UBE3B: variants seen among roughly 807,000 people sequenced by gnomAD.
UBE3B encodes ubiquitin protein ligase E3B.
In UBE3B, 80 loss-of-function variants were observed where a neutral mutation model predicts 132.3. That is an observed-to-expected ratio of 0.60 (90% CI 0.50 to 0.73). UBE3B has a LOEUF of 0.73. Among genes scored for constraint, UBE3B ranks in the 30% least tolerant of loss-of-function variants. UBE3B has a pLI of 0.00. For missense variants in UBE3B, 1,196 were observed against 1,362.5 expected (o/e 0.88, Z 1.92); for synonymous variants, 487 against 520.4 (o/e 0.94, Z 0.87).
At chr12:109,498,888 C>A (rs908326439) in intron 11 of UBE3B, among the ~76,000 whole-genome samples, 4 of 151,562 alleles carry the variant, frequency 2.6e-5, no homozygotes, top group Non-Finnish European at 4.4e-5. Flanking sequence ...TGCAGTGGCA[C>A]AGTCATGGCT....
intron 9 of UBE3B, among the ~76,000 whole-genome samples, chr12:109,495,879 A>G (rs757183837): frequency 6.6e-6 from 1 of 152,160 alleles, no homozygotes; most frequent in Non-Finnish European, 1.5e-5. Context: ...TAGACCTACA[A>G]CCTTCTGGCC....
chr12:109,497,302 T>C (rs1282583560), intron 9 of UBE3B, among the ~76,000 whole-genome samples: 6 of 151,948 alleles, frequency 3.9e-5, no homozygotes, highest in African/African-American at 1.4e-4. Context: ...TATATACTTA[T>C]ATATAGTATA....
chr12:109,507,853 A>G (rs1879882385), intron 15 of UBE3B, 118 bp downstream of exon 15: 1 of 1,231,616 alleles, frequency 8.1e-7, no homozygotes, highest in Admixed American at 2.3e-5. Context: ...CCTGTGTGGC[A>G]GGGCATTGTA....
intron 23 of UBE3B, 98 bp from the exon 24 acceptor site, chr12:109,526,260 C>T (rs1882321101): frequency 8.1e-7 from 1 of 1,230,496 alleles, no homozygotes; most frequent in African/African-American, 1.5e-5. Context: ...TTAATTCCAT[C>T]ATTATCATGG....
At position 109,521,668 on chromosome 12, in the gene UBE3B, G is replaced by A. The variant is rs567778412; in HGVS notation, c.2364+117G>A. ...TGTAAACTGTCACTAGGATACAAGC[G>A]AGGACAGGGGCAGGAACCAAGGTTT... is the stretch of plus-strand genomic sequence containing the variant. On this transcript the variant is annotated intron_variant, in intron 21 of 27. Coordinates refer to ENST00000342494, the MANE Select transcript of UBE3B (RefSeq NM_130466.4). The surrounding 1 kb of genome is among the most constrained non-coding windows in gnomAD (Gnocchi z 4.2). 3.3e-4 allele frequency: 313 copies of A among 939,410 alleles called. No homozygotes were observed. The African/African-American group carries it at 4.6e-3, about 14-fold the overall frequency. 58.2% of individuals were successfully genotyped at this position (939,410 alleles called of 1,614,324 possible). A position where few individuals can be genotyped will look rare whatever the true frequency, so the allele number is the denominator to read the frequency against.
At chr12:109,511,459 C>T in intron 18 of UBE3B, 156 bp downstream of exon 18, 1 of 691,522 alleles carries the variant, frequency 1.4e-6, no homozygotes, top group Non-Finnish European at 2.4e-6. Flanking sequence ...TGAGGTTACA[C>T]CCAGTGCTGG....
chr12:109,534,334 GA>G lies in UBE3B; in HGVS notation c.3016-255del, dbSNP rs1834910355. On this transcript the variant is annotated intron_variant, in intron 27 of 27. Transcript: ENST00000342494. This position sits in a 1 kb window ranked among gnomAD's most constrained non-coding sequence, Gnocchi z 5.2. Reference sequence around the variant, plus strand: ...TTAACCAGTAATTCGCTGTGAACCGGAAGGCCCCATTTCCAAAAGCTTACTT... The same window carrying G: ...TTAACCAGTAATTCGCTGTGAACCGGAGGCCCCATTTCCAAAAGCTTACTT... The G allele has an allele frequency of 7.1e-7, 1 of 1,410,310 alleles. No homozygotes were observed. The highest frequency in any genetic ancestry group is 9.2e-7 in the Non-Finnish European group (1 of 1,087,832). The allele number at this position is 1,410,310 out of a possible 1,614,324, so 87.4% of individuals were successfully genotyped here. A position where few individuals can be genotyped will look rare whatever the true frequency, so the allele number is the denominator to read the frequency against.
intron 14 of UBE3B, among the ~76,000 whole-genome samples, chr12:109,504,464 G>C (rs998424452): frequency 8.5e-5 from 13 of 152,296 alleles, no homozygotes; most frequent in Middle Eastern, 3.4e-3. Flanking sequence ...GAGGACTGAG[G>C]GTTTTAAAGA....
In UBE3B at chr12:109,516,774, C is replaced by T; in HGVS notation, c.1966C>T (p.Leu656=). Residue 656 remains leucine, a synonymous_variant, in exon 19 of 28, where the codon CTG becomes TTG. Coordinates refer to ENST00000342494, the MANE Select transcript of UBE3B (RefSeq NM_130466.4). ...HVIPHKNRVL[L]FRTMVTKEKE... ...CCTTTGTTCATTTTAGAGAGTTCTA[C>T]TGTTTCGAACCATGGTTACCAAGGA... is the stretch of plus-strand genomic sequence containing the variant. The T allele has an allele frequency of 6.2e-7, 1 of 1,614,020 alleles. No individual in the cohort carries two copies. Among genetic ancestry groups the T allele is most frequent in the Non-Finnish European group, 8.5e-7 (1 of 1,179,952 alleles).
intron 13 of UBE3B, among the ~76,000 whole-genome samples, chr12:109,502,414 G>A (rs1321343476): frequency 1.3e-5 from 2 of 152,162 alleles, no homozygotes; most frequent in Non-Finnish European, 2.9e-5. Flanking sequence ...GTTATGGAAA[G>A]GCCACTAATG....
chr12:109,533,167 C>G (rs1246347492), intron 26 of UBE3B, among the ~76,000 whole-genome samples: 1 of 152,180 alleles, frequency 6.6e-6, no homozygotes, highest in Non-Finnish European at 1.5e-5. Flanking sequence ...TCACCAGTGC[C>G]CTGGCTGGGC....
the UBE3B span, among the ~76,000 whole-genome samples, chr12:109,546,563 G>A: frequency 6.6e-6 from 1 of 152,252 alleles, no homozygotes; most frequent in Admixed American, 6.5e-5. Context: ...CTCAGTGCAT[G>A]CAGGGGTCTT....
chr12:109,479,140 C>G (rs78160642), intron 1 of UBE3B, among the ~76,000 whole-genome samples: 6 of 152,166 alleles, frequency 3.9e-5, no homozygotes, highest in Non-Finnish European at 4.4e-5. Flanking sequence ...AAGGACTTGA[C>G]ACATAATGGG....
intron 4 of UBE3B, 58 bp from the exon 5 acceptor site, chr12:109,485,954 T>G: frequency 6.5e-7 from 1 of 1,545,610 alleles, no homozygotes; most frequent in Non-Finnish European, 8.7e-7. Flanking sequence ...TTGTTTTCTT[T>G]GTTTTCACTT....
intron 1 of UBE3B, 145 bp downstream of exon 1, chr12:109,478,254 C>T (rs1874663488): frequency 6.6e-6 from 1 of 152,238 alleles, no homozygotes; most frequent in Admixed American, 6.5e-5. Flanking sequence ...AATTTAACTC[C>T]AGCTTAGCCC....
intron 27 of UBE3B, chr12:109,533,871 G>A: frequency 1.5e-6 from 2 of 1,296,640 alleles, no homozygotes; most frequent in South Asian, 2.5e-5. Context: ...CAGATCTGAG[G>A]CAGCATGGGA....
At chr12:109,486,425 T>C (rs770015961) in intron 5 of UBE3B, 46 bp from the exon 6 acceptor site, 4 of 1,462,152 alleles carry the variant, frequency 2.7e-6, no homozygotes, top group Non-Finnish European at 3.8e-6. Flanking sequence ...ACAAGTGATA[T>C]GATCTCTATA....
At chr12:109,538,287 C>G (rs542983671), downstream of UBE3B, among the ~76,000 whole-genome samples, 2 of 152,320 alleles carry the variant, frequency 1.3e-5, no homozygotes, top group African/African-American at 4.8e-5. The surrounding 1 kb of genome is among the most constrained non-coding windows in gnomAD (Gnocchi z 4.1). Context: ...CCAGGACCCC[C>G]TTAAGCCTCA....
intron 18 of UBE3B, among the ~76,000 whole-genome samples, chr12:109,513,155 T>C (rs1880582552): frequency 6.6e-6 from 1 of 152,168 alleles, no homozygotes; most frequent in Non-Finnish European, 1.5e-5. Flanking sequence ...CTGGGCCTCA[T>C]CTGGTTTGGT....
Sources: gnomAD v4.1 joint callset for allele counts (sites outside exome capture counted in the v4.1 genomes callset) on GRCh38, gnomAD v4.1.1 for gene constraint, Gnocchi (gnomAD v3.1) non-coding constraint, MANE v1.5 for transcripts, NCBI Gene and HGNC (gene_info 2026-07-23, HGNC 2026-07-21) for gene names.